Variants in AHCY observed in about 807,000 individuals in gnomAD.
AHCY encodes the protein adenosylhomocysteinase, also known as S-adenosyl-L-homocysteine hydrolase.
Under a neutral mutation model 45.4 loss-of-function variants are expected in AHCY, and 24 were observed. The observed-to-expected ratio is 0.53, with a 90% CI of 0.38 to 0.74. The LOEUF is 0.74. Ranked by LOEUF, AHCY falls within the 30% of genes least tolerant of loss-of-function variation. The pLI is 0.00. For missense variants in AHCY, 449 were observed against 594.1 expected (o/e 0.76, Z 2.54); for synonymous variants, 245 against 235.1 (o/e 1.04, Z -0.39).
chr20:34,257,430 A>G, the AHCY span, among the ~76,000 whole-genome samples: 2 of 152,220 alleles, frequency 1.3e-5, no homozygotes, highest in Non-Finnish European at 2.9e-5. Context: ...TACCCATTAA[A>G]GCTAGATGCT....
chr20:34,298,388 C>T (rs1021345770), intron 1 of AHCY, among the ~76,000 whole-genome samples: 2 of 151,852 alleles, frequency 1.3e-5, no homozygotes, highest in Non-Finnish European at 2.9e-5. Context: ...CCAGGCCATA[C>T]AGAGATAGGA....
At chr20:34,304,041 T>TA (rs1252289119), upstream of AHCY, among the ~76,000 whole-genome samples, 2 of 152,212 alleles carry the variant, frequency 1.3e-5, no homozygotes, top group Non-Finnish European at 2.9e-5. Context: ...GTCAGGTACC[T>TA]ACTGACATCC....
the AHCY span, among the ~76,000 whole-genome samples, chr20:34,232,806 T>C: frequency 1.3e-5 from 2 of 152,190 alleles, no homozygotes; most frequent in East Asian, 3.8e-4. Flanking sequence ...CACATGAGTT[T>C]CTCTGTTTTA....
rs1159213919 is a variant in AHCY at position 34,280,935 on chromosome 20, T to G, written c.*99A>C. 1 of 1,559,110 alleles carries G rather than the reference T, an allele frequency of 6.4e-7. No individual in the cohort carries two copies. Among genetic ancestry groups the G allele is most frequent in the East Asian group, 2.3e-5 (1 of 43,158 alleles). The stretch of plus-strand genomic sequence containing the variant: ...GCCCCAGAGAGTCGATGGGGGACAC[T>G]GACAAACCAATCACAAAGTTGGTGC... On this transcript the variant is annotated 3_prime_UTR_variant, in exon 10 of 10. Transcript: ENST00000217426.
chr20:34,290,686 C>T lies in AHCY; in HGVS notation c.766+45G>A. The T allele has an allele frequency of 1.2e-6, 2 of 1,613,916 alleles. No individual in the cohort carries two copies. The highest frequency in any genetic ancestry group is 1.7e-6 in the Non-Finnish European group (2 of 1,179,950). ...GGTCATCTACGGTGGCCTTGCCCCTCCCTCTGGCCCCAGTGGCTGACAACC... is the reference window on the plus strand; with the variant it reads ...GGTCATCTACGGTGGCCTTGCCCCTTCCTCTGGCCCCAGTGGCTGACAACC... On this transcript the variant is annotated intron_variant, in intron 6 of 9. Coordinates refer to ENST00000217426, the MANE Select transcript of AHCY (RefSeq NM_000687.4). The surrounding 1 kb of genome is among the most constrained non-coding windows in gnomAD (Gnocchi z 4.5).
chr20:34,307,870 GT>G (rs1035555100), upstream of AHCY, among the ~76,000 whole-genome samples: 52 of 152,114 alleles, frequency 3.4e-4, no homozygotes, highest in Admixed American at 3.1e-3. Flanking sequence ...TGAGTTGGGG[GT>G]TTGGTGTACA....
chr20:34,303,315 C>T lies in AHCY; in HGVS notation c.-45G>A, dbSNP rs200500842. 10 of 1,551,666 alleles carry T rather than the reference C, an allele frequency of 6.4e-6. No individual in the cohort carries two copies. In the African/African-American group the frequency reaches 1.2e-4, roughly 19 times the overall value. On this transcript the variant is annotated 5_prime_UTR_variant, in exon 1 of 10. Transcript: ENST00000217426. ...GAAACGGGCGAAGGGGGCTGGGCCT[C>T]AGTCTGGGAACAGGAACTGGGCGGG...
At chr20:34,265,876 G>T in the AHCY span, among the ~76,000 whole-genome samples, 1 of 151,108 alleles carries the variant, frequency 6.6e-6, no homozygotes, top group Non-Finnish European at 1.5e-5. Flanking sequence ...CTTGAACCTG[G>T]AAGGCAGAGG....
the AHCY span, among the ~76,000 whole-genome samples, chr20:34,261,942 A>T: frequency 6.6e-6 from 1 of 151,916 alleles, no homozygotes; most frequent in Admixed American, 6.6e-5. Context: ...GCAAAACCCC[A>T]TCTCTACTAA....
At chr20:34,252,108 C>T in the AHCY span, among the ~76,000 whole-genome samples, 2 of 152,240 alleles carry the variant, frequency 1.3e-5, no homozygotes, top group Admixed American at 6.5e-5. Context: ...GTCCTATCCT[C>T]TTATGAAGGG....
the AHCY span, among the ~76,000 whole-genome samples, chr20:34,235,954 AAGG>A: frequency 1.1e-5 from 1 of 90,362 alleles, no homozygotes; most frequent in Non-Finnish European, 1.8e-5. Context: ...AGAAGGAAGG[AAGG>A]AAGGAAGGAG....
the AHCY span, among the ~76,000 whole-genome samples, chr20:34,235,840 A>G: frequency 0.048 from 2,561 of 53,056 alleles, 294 homozygotes; most frequent in African/African-American, 0.24. Context: ...AAAGAAAGAA[A>G]GAAGGAAGGA....
At chr20:34,298,529 C>A (rs559909305) in intron 1 of AHCY, among the ~76,000 whole-genome samples, 1 of 140,968 alleles carries the variant, frequency 7.1e-6, no homozygotes, top group African/African-American at 2.5e-5. Flanking sequence ...CGTTACCAGG[C>A]GGATCGTGGT....
chr20:34,265,456 C>A, the AHCY span, among the ~76,000 whole-genome samples: 1 of 151,814 alleles, frequency 6.6e-6, no homozygotes, highest in Non-Finnish European at 1.5e-5. Context: ...CCTGGGATAT[C>A]GAGGCTACAG....
intron 8 of AHCY, among the ~76,000 whole-genome samples, chr20:34,289,270 T>G (rs1008596190): frequency 6.6e-6 from 1 of 152,022 alleles, no homozygotes; most frequent in Non-Finnish European, 1.5e-5. Context: ...ATCTCCCGGG[T>G]TCATGTGATT....
At chr20:34,284,077 G>C (rs1198161883) in intron 9 of AHCY, among the ~76,000 whole-genome samples, 1 of 152,180 alleles carries the variant, frequency 6.6e-6, no homozygotes, top group African/African-American at 2.4e-5. Context: ...TGGGGTGTTA[G>C]GGTGAGCACT....
the AHCY span, among the ~76,000 whole-genome samples, chr20:34,267,114 A>G: frequency 6.6e-6 from 1 of 152,246 alleles, no homozygotes; most frequent in Non-Finnish European, 1.5e-5. Context: ...ATATATTTAT[A>G]TGCTAAGCAC....
At chr20:34,239,871 A>G in the AHCY span, among the ~76,000 whole-genome samples, 1 of 152,222 alleles carries the variant, frequency 6.6e-6, no homozygotes, top group African/African-American at 2.4e-5. Flanking sequence ...GCAGGGCCCC[A>G]TATTAACCTA....
At chr20:34,249,875 A>G in the AHCY span, 1 of 152,248 alleles carries the variant, frequency 6.6e-6, no homozygotes, top group African/African-American at 2.4e-5. Flanking sequence ...ACATATGCAC[A>G]GTGTTTCACA....
Sources: allele counts gnomAD v4.1 joint callset (sites outside exome capture counted in the v4.1 genomes callset), GRCh38; gene constraint gnomAD v4.1.1; non-coding constraint Gnocchi (gnomAD v3.1); transcripts MANE v1.5; gene names NCBI Gene and HGNC (gene_info 2026-07-23, HGNC 2026-07-21).